Variants in ATP8B4 observed in about 807,000 individuals in gnomAD.
ATP8B4 encodes ATPase phospholipid transporting 8B4 (putative).
Under a neutral mutation model 145.6 loss-of-function variants are expected in ATP8B4, and 133 were observed. That is an observed-to-expected ratio of 0.91 (90% CI 0.79 to 1.05). The LOEUF (loss-of-function observed/expected upper bound fraction) is 1.05. Among genes scored for constraint, ATP8B4 ranks in the 50% least tolerant of loss-of-function variants. The probability of loss-of-function intolerance (pLI) is 0.00; values close to 1 mark genes in which losing one functional copy is unlikely to be tolerated. For synonymous variants in ATP8B4, 507 were observed against 492.9 expected (o/e 1.03, Z -0.38); for missense variants, 1,458 against 1,425.2 (o/e 1.02, Z -0.37).
chr15:50,100,687 G>C (rs1209693621), intron 2 of ATP8B4, among the ~76,000 whole-genome samples: 11 of 152,186 alleles, frequency 7.2e-5, no homozygotes, highest in African/African-American at 2.4e-4. Context: ...TATCACATCA[G>C]TCTTGCAGGT....
chr15:50,029,729 G>C (rs1299879166), intron 6 of ATP8B4, among the ~76,000 whole-genome samples: 1 of 152,152 alleles, frequency 6.6e-6, no homozygotes, highest in Non-Finnish European at 1.5e-5. Flanking sequence ...AAAAGAAGAG[G>C]AGGAAGCAAA....
intron 1 of ATP8B4, among the ~76,000 whole-genome samples, chr15:50,145,226 G>A (rs1345976757): frequency 6.6e-6 from 1 of 152,162 alleles, no homozygotes; most frequent in Non-Finnish European, 1.5e-5. Flanking sequence ...TCAATAAAGA[G>A]ATTTTAATTA....
At chr15:50,092,403 A>T (rs759830947) in intron 2 of ATP8B4, among the ~76,000 whole-genome samples, 9 of 152,132 alleles carry the variant, frequency 5.9e-5, no homozygotes, top group Non-Finnish European at 1.2e-4. Context: ...TTGAAAACAA[A>T]AAGAAATAAA....
intron 1 of ATP8B4, among the ~76,000 whole-genome samples, chr15:50,124,395 CACAA>C (rs2057293793): frequency 6.6e-6 from 1 of 152,034 alleles, no homozygotes; most frequent in Non-Finnish European, 1.5e-5. Flanking sequence ...TGAAAAGACT[CACAA>C]TTAAGTTTTA....
chr15:50,051,154 G>A (rs2052157702), intron 3 of ATP8B4, among the ~76,000 whole-genome samples: 1 of 152,204 alleles, frequency 6.6e-6, no homozygotes, highest in African/African-American at 2.4e-5. Flanking sequence ...CTATGCTCAT[G>A]ATAGTGAGTG....
chr15:49,883,887 CA>C (rs1007374655), intron 23 of ATP8B4, among the ~76,000 whole-genome samples: 1 of 152,014 alleles, frequency 6.6e-6, no homozygotes, highest in South Asian at 2.1e-4. Flanking sequence ...CACAATAATA[CA>C]AAAAGTTATG....
intron 3 of ATP8B4, among the ~76,000 whole-genome samples, chr15:50,068,263 TTAG>T (rs1260330678): frequency 6.6e-6 from 1 of 152,176 alleles, no homozygotes; most frequent in Non-Finnish European, 1.5e-5. Context: ...GCAGGGAGCC[TTAG>T]TGGTGTGATT....
intron 1 of ATP8B4, among the ~76,000 whole-genome samples, chr15:50,109,651 G>A (rs2056847393): frequency 6.6e-6 from 1 of 151,646 alleles, no homozygotes; most frequent in African/African-American, 2.4e-5. Flanking sequence ...AAAAAAAAGG[G>A]GACTCTACAC....
At chr15:50,023,372 T>C (rs1375657403) in intron 6 of ATP8B4, among the ~76,000 whole-genome samples, 2 of 152,164 alleles carry the variant, frequency 1.3e-5, no homozygotes, top group Non-Finnish European at 2.9e-5. Context: ...CTTTTATTAG[T>C]TTGACATTAT....
At chr15:49,930,274 T>C (rs1005185984) in intron 16 of ATP8B4, among the ~76,000 whole-genome samples, 1 of 152,036 alleles carries the variant, frequency 6.6e-6, no homozygotes, top group Non-Finnish European at 1.5e-5. Flanking sequence ...AAAGACTTAA[T>C]GGTGTGCATT....
chr15:49,901,511 G>A (rs1237359021), intron 20 of ATP8B4, among the ~76,000 whole-genome samples: 1 of 152,122 alleles, frequency 6.6e-6, no homozygotes, highest in African/African-American at 2.4e-5. Flanking sequence ...ACCATCTTGA[G>A]CTGTGTTTGA....
intron 6 of ATP8B4, among the ~76,000 whole-genome samples, chr15:50,038,065 A>G (rs1283493257): frequency 6.6e-6 from 1 of 152,202 alleles, no homozygotes; most frequent in African/African-American, 2.4e-5. Flanking sequence ...ATTTAAGTAC[A>G]TCATTAAAAT....
rs1241605011 is a variant in ATP8B4 at position 50,156,078 on chromosome 15, ATATATATATAT to A, written c.-43+26172_-43+26182del. ...TGGTAATAAATAAATAAATAAATAT[ATATATATATAT>A]ATAAATATATATATATAAATATATA... On this transcript the variant is annotated intron_variant, in intron 1 of 3. Transcript: ENST00000558829. Among the ~76,000 whole-genome samples the A allele has an allele frequency of 0.011, 74 of 6,636 alleles. No homozygotes were observed. In the South Asian group the frequency reaches 0.13, roughly 12 times the overall value. 4.4% of individuals were successfully genotyped at this position (6,636 alleles called of 152,430 possible).
At chr15:49,979,127 G>C (rs1417864114) in intron 12 of ATP8B4, among the ~76,000 whole-genome samples, 1 of 151,952 alleles carries the variant, frequency 6.6e-6, no homozygotes, top group Admixed American at 6.6e-5. Flanking sequence ...GTATGAGGTA[G>C]AACTATTATT....
intron 25 of ATP8B4, among the ~76,000 whole-genome samples, chr15:49,871,960 G>A (rs2033730263): frequency 6.6e-6 from 1 of 152,142 alleles, no homozygotes. Flanking sequence ...ATATGGATAA[G>A]GTATAGGGAA....
At position 50,010,854 on chromosome 15, in the gene ATP8B4, T is replaced by A. The variant is rs936926740; in HGVS notation, c.426A>T (p.Gln142His). The change falls in exon 7 of 28, where the codon CAA becomes CAT. Residue 142 changes from glutamine to histidine, a missense_variant. By Grantham distance (24) the Gln-to-His change is conservative. Transcript: ENST00000284509. ...VGDIIKLENNQFVAADLLLLS... is the reference protein window; with the variant it reads ...VGDIIKLENNHFVAADLLLLS... Reference sequence around the variant, plus strand: ...AATATTGAATACTTACAGCAACAAATTGGTTATTTTCTAATTTAATGATGT... The same window carrying A: ...AATATTGAATACTTACAGCAACAAAATGGTTATTTTCTAATTTAATGATGT... 7 of 1,556,448 alleles carry A rather than the reference T, an allele frequency of 4.5e-6. No homozygotes were observed. In the African/African-American group the frequency reaches 7.0e-5, roughly 16 times the overall value.
rs756814222 is a variant in ATP8B4 at position 49,918,907 on chromosome 15, A to G, written c.1967T>C (p.Val656Ala). 11 of 1,613,692 alleles carry G rather than the reference A, an allele frequency of 6.8e-6. No homozygotes were observed. The South Asian group carries it at 9.9e-5, about 15-fold the overall frequency. Residue 656 changes from valine to alanine, a missense_variant, in exon 19 of 28, where the codon GTT becomes GCT. By Grantham distance (64) the Val-to-Ala change is moderately conservative (BLOSUM62 0). Coordinates refer to ENST00000284509, the MANE Select transcript of ATP8B4 (RefSeq NM_024837.4). Reference sequence around the variant, plus strand: ...TGATAAACTTGTAACTGTTTCAATAACACCCTCCTGTAACTTATCTTCTAC... The same window carrying G: ...TGATAAACTTGTAACTGTTTCAATAGCACCCTCCTGTAACTTATCTTCTAC... ...TAVEDKLQEG[V>A]IETVTSLSLA...
chr15:49,935,121 G>A (rs1218424117), intron 14 of ATP8B4, among the ~76,000 whole-genome samples: 1 of 151,932 alleles, frequency 6.6e-6, no homozygotes, highest in Non-Finnish European at 1.5e-5. Flanking sequence ...AATACCTACA[G>A]TAAAATTGGA....
At chr15:49,988,369 T>C (rs1008842119) in intron 9 of ATP8B4, among the ~76,000 whole-genome samples, 1 of 151,988 alleles carries the variant, frequency 6.6e-6, no homozygotes, top group South Asian at 2.1e-4. Flanking sequence ...AATATACATA[T>C]CCACTGCAAA....
Sources: gnomAD v4.1 joint callset for allele counts (sites outside exome capture counted in the v4.1 genomes callset) on GRCh38, gnomAD v4.1.1 for gene constraint, MANE v1.5 for transcripts, NCBI Gene and HGNC (gene_info 2026-07-23, HGNC 2026-07-21) for gene names.